The following CTDP1 variants were observed in gnomAD, a reference collection of about 807,000 sequenced individuals.
CTDP1 encodes RNA polymerase II subunit A C-terminal domain phosphatase.
Under a neutral mutation model 91.8 loss-of-function variants are expected in CTDP1, and 47 were observed. The ratio of observed to expected loss-of-function variants is 0.51; its 90% CI spans 0.41 to 0.65. The LOEUF (loss-of-function observed/expected upper bound fraction) is 0.65, where lower values mean the gene tolerates loss of function less well. Ranked by LOEUF, CTDP1 falls within the 30% of genes least tolerant of loss-of-function variation. The probability of loss-of-function intolerance (pLI) is 0.00; values close to 1 mark genes in which losing one functional copy is unlikely to be tolerated. For missense variants in CTDP1, 1,272 were observed against 1,373.7 expected (o/e 0.93, Z 1.17); for synonymous variants, 656 against 598.5 (o/e 1.10, Z -1.40).
At position 79,737,499 on chromosome 18, in the gene CTDP1, A is replaced by G. The variant is rs751946409; in HGVS notation, c.2747+978A>G. Among the ~76,000 whole-genome samples the G allele has an allele frequency of 6.6e-5, 10 of 152,080 alleles. No individual in the cohort carries two copies. In the East Asian group the frequency reaches 7.7e-4, roughly 12 times the overall value. On this transcript the variant is annotated intron_variant, in intron 12 of 12. Coordinates refer to ENST00000613122, the MANE Select transcript of CTDP1 (RefSeq NM_004715.5). ...GTTTCTGACATCATCTTTCTCCACT[A>G]ATCGGCTTTGTTCTCTGGATCTCTG...
At chr18:79,736,799 A>G (rs2086677514) in intron 12 of CTDP1, among the ~76,000 whole-genome samples, 1 of 150,790 alleles carries the variant, frequency 6.6e-6, no homozygotes, top group Non-Finnish European at 1.5e-5. Context: ...CTACACGTGC[A>G]CAGGCGTGTG....
intron 1 of CTDP1, among the ~76,000 whole-genome samples, chr18:79,683,380 C>T (rs2085415221): frequency 6.6e-6 from 1 of 152,200 alleles, no homozygotes; most frequent in Non-Finnish European, 1.5e-5. Context: ...CTTGTATAGA[C>T]AAGCATGGGC....
At chr18:79,697,660 A>C (rs542421088) in intron 3 of CTDP1, among the ~76,000 whole-genome samples, 200 bp from the exon 4 acceptor site, 1 of 152,176 alleles carries the variant, frequency 6.6e-6, no homozygotes, top group Admixed American at 6.5e-5. Flanking sequence ...ACTGAATTAT[A>C]AAATTGTGGT....
chr18:79,702,376 T>A (rs2085878186), intron 4 of CTDP1, among the ~76,000 whole-genome samples: 1 of 152,176 alleles, frequency 6.6e-6, no homozygotes, highest in Non-Finnish European at 1.5e-5. Context: ...TTTTATTTTT[T>A]ATTTTTTAAT....
intron 1 of CTDP1, among the ~76,000 whole-genome samples, chr18:79,693,828 A>G (rs964430718): frequency 6.8e-6 from 1 of 146,020 alleles, no homozygotes; most frequent in Non-Finnish European, 1.5e-5. Context: ...TCCCTGCAGG[A>G]TGCTGGCTAC....
intron 4 of CTDP1, among the ~76,000 whole-genome samples, chr18:79,701,923 G>A (rs528292467): frequency 1.3e-5 from 2 of 152,338 alleles, no homozygotes; most frequent in South Asian, 2.1e-4. Context: ...GATGAAACTC[G>A]AACAGATGAG....
intron 10 of CTDP1, among the ~76,000 whole-genome samples, chr18:79,727,589 C>T (rs1464777822): frequency 3.3e-5 from 5 of 152,330 alleles, no homozygotes. Context: ...TCCTGAATTC[C>T]AAACAGCGCA....
At chr18:79,738,407 GCCGGTATTTGGA>G (rs1479992070) in intron 12 of CTDP1, among the ~76,000 whole-genome samples, 1 of 152,212 alleles carries the variant, frequency 6.6e-6, no homozygotes, top group East Asian at 1.9e-4. Context: ...GGGGCCGTGG[GCCGGTATTTGGA>G]CCTCTGCATC....
intron 11 of CTDP1, among the ~76,000 whole-genome samples, chr18:79,732,800 C>A (rs982280089): frequency 1.3e-5 from 2 of 151,866 alleles, no homozygotes; most frequent in African/African-American, 4.8e-5. Flanking sequence ...AACTCCCTAA[C>A]AGGAGTGCTC....
intron 5 of CTDP1, among the ~76,000 whole-genome samples, chr18:79,707,426 T>C (rs2085989096): frequency 6.6e-6 from 1 of 152,222 alleles, no homozygotes; most frequent in South Asian, 2.1e-4. Context: ...GGGAGCCTGC[T>C]GGTGGGCGCT....
chr18:79,689,292 T>TA (rs2085571299), intron 1 of CTDP1, among the ~76,000 whole-genome samples: 1 of 152,230 alleles, frequency 6.6e-6, no homozygotes, highest in Admixed American at 6.5e-5. Context: ...TGTAAAAAGT[T>TA]ACAACTTTTC....
chr18:79,756,206 C>G (rs1351208764), downstream of CTDP1: 2 of 152,388 alleles, frequency 1.3e-5, no homozygotes, highest in Non-Finnish European at 2.9e-5. Flanking sequence ...GGACTTTTCT[C>G]CCGCCTGTCT....
chr18:79,717,574 T>A lies in CTDP1; in HGVS notation c.2108T>A (p.Leu703Gln). The part of the protein sequence containing the change: ...KVLQAQECGH[L>Q]HVVNPDWLWS... ...CTGCAGGCACAGGAGTGCGGACACC[T>A]GCACGTGGTCAACCCTGACTGGCTG... is the stretch of plus-strand genomic sequence containing the variant. The change falls in exon 9 of 13, where the codon CTG becomes CAG. Residue 703 changes from leucine (L) to glutamine (Q), a missense_variant. Leu to Gln is a moderately radical substitution (Grantham distance 113). Around this residue, in one of 3 missense-constraint regions of CTDP1, gnomAD observed 881 missense variants for 911.6 expected, o/e 0.97. Transcript: ENST00000613122. The A allele has an allele frequency of 6.2e-7, 1 of 1,613,840 alleles. No individual in the cohort carries two copies. Among genetic ancestry groups the A allele is most frequent in the Non-Finnish European group, 8.5e-7 (1 of 1,179,954 alleles).
intron 12 of CTDP1, among the ~76,000 whole-genome samples, chr18:79,746,487 G>A (rs1340947315): frequency 6.6e-6 from 1 of 152,260 alleles, no homozygotes; most frequent in African/African-American, 2.4e-5. Flanking sequence ...ATAGCACGCG[G>A]AGTTTTGGTT....
intron 1 of CTDP1, 65 bp downstream of exon 1, chr18:79,680,326 C>T (rs533419347): frequency 1.8e-5 from 22 of 1,208,364 alleles, no homozygotes; most frequent in Non-Finnish European, 2.2e-5. Context: ...TGGAGGACCC[C>T]CGGGCTGCTG....
chr18:79,744,024 CCTT>C (rs760719983), intron 12 of CTDP1, among the ~76,000 whole-genome samples: 1 of 152,212 alleles, frequency 6.6e-6, no homozygotes, highest in East Asian at 1.9e-4. Context: ...TCCAAAGCCA[CCTT>C]CTGCTCACTG....
chr18:79,717,394 C>T lies in CTDP1; in HGVS notation c.2069-141C>T, dbSNP rs1243009462. On this transcript the variant is annotated intron_variant, in intron 8 of 12. Transcript: ENST00000613122. ...CTGCAGGGGTGCAGTCAGGTGAAGG[C>T]CCTGGTGGGATGCAGCCGAGTGAGG... The T allele has an allele frequency of 4.1e-6, 5 of 1,222,330 alleles. No individual in the cohort carries two copies. In the East Asian group the frequency reaches 7.4e-5, roughly 18 times the overall value. 75.7% of individuals were successfully genotyped at this position (1,222,330 alleles called of 1,614,324 possible). A position where few individuals can be genotyped will look rare whatever the true frequency, so the allele number is the denominator to read the frequency against.
chr18:79,686,776 G>T (rs566858556), intron 1 of CTDP1, among the ~76,000 whole-genome samples: 22 of 152,206 alleles, frequency 1.4e-4, no homozygotes, highest in Admixed American at 4.6e-4. Flanking sequence ...GGCTTCTCCA[G>T]TTCACTGGTG....
At chr18:79,739,393 T>C (rs1599306838) in intron 12 of CTDP1, among the ~76,000 whole-genome samples, 1 of 149,888 alleles carries the variant, frequency 6.7e-6, no homozygotes, top group Non-Finnish European at 1.5e-5. Flanking sequence ...TTAGCACCCC[T>C]GGGTTTTTGT....
Sources: gnomAD v4.1 joint callset for allele counts (sites outside exome capture counted in the v4.1 genomes callset) on GRCh38, gnomAD v4.1.1 for gene constraint, gnomAD v4.1.1 regional missense constraint, MANE v1.5 for transcripts, NCBI Gene and HGNC (gene_info 2026-07-23, HGNC 2026-07-21) for gene names.